The following GRIP1 variants were observed in gnomAD, a reference collection of about 807,000 sequenced individuals.
GRIP1 encodes the protein glutamate receptor interacting protein 1.
Under a neutral mutation model 129.9 loss-of-function variants are expected in GRIP1, and 45 were observed. The observed-to-expected ratio is 0.35, with a 90% CI of 0.27 to 0.44. The LOEUF is 0.44. Ranked by LOEUF, GRIP1 falls within the 20% of genes least tolerant of loss-of-function variation. The pLI, the probability that GRIP1 is intolerant of heterozygous loss-of-function variation, is 1.00. For synonymous variants in GRIP1, 530 were observed against 520.8 expected, an observed-to-expected ratio of 1.02 and a Z score of -0.24; for missense variants, 1,196 against 1,396.8, an observed-to-expected ratio of 0.86 and a Z score of 2.29.
intron 1 of GRIP1, among the ~76,000 whole-genome samples, chr12:66,884,709 A>G (rs2040536254): frequency 6.6e-6 from 1 of 152,236 alleles, no homozygotes; most frequent in Non-Finnish European, 1.5e-5. Context: ...CCCACAAACA[A>G]TTTCTTGGGC....
intron 7 of GRIP1, among the ~76,000 whole-genome samples, chr12:66,476,644 C>T (rs757437961): frequency 6.6e-6 from 1 of 152,198 alleles, no homozygotes; most frequent in African/African-American, 2.4e-5. Context: ...TACTGGCAAA[C>T]TGAAGCCAGC....
chr12:66,364,326 T>C (rs2055007272), intron 23 of GRIP1, among the ~76,000 whole-genome samples: 1 of 147,034 alleles, frequency 6.8e-6, no homozygotes, highest in African/African-American at 2.5e-5. Flanking sequence ...GATAAGTGGT[T>C]GAGGTGTGAA....
intron 1 of GRIP1, among the ~76,000 whole-genome samples, chr12:66,699,536 T>TGTAA (rs1288312288): frequency 6.6e-6 from 1 of 152,174 alleles, no homozygotes; most frequent in Non-Finnish European, 1.5e-5. Context: ...ACTGCCACCA[T>TGTAA]GTAAGACATG....
intron 2 of GRIP1, among the ~76,000 whole-genome samples, chr12:66,551,697 C>A (rs1318950033): frequency 6.6e-6 from 1 of 151,848 alleles, no homozygotes; most frequent in East Asian, 1.9e-4. Context: ...CCTCAGCCCC[C>A]TGAGTAGTGT....
intron 1 of GRIP1, among the ~76,000 whole-genome samples, chr12:66,832,981 T>C (rs1222535611): frequency 6.6e-6 from 1 of 152,194 alleles, no homozygotes; most frequent in Non-Finnish European, 1.5e-5. Context: ...TGTGTTGAGA[T>C]GTGTTCCTCC....
intron 1 of GRIP1, among the ~76,000 whole-genome samples, chr12:66,652,925 A>G (rs1197092450): frequency 2.0e-5 from 3 of 152,210 alleles, no homozygotes; most frequent in Admixed American, 1.3e-4. Context: ...AGCTTGTTTG[A>G]TCTGTAAAGT....
intron 1 of GRIP1, among the ~76,000 whole-genome samples, chr12:66,899,715 C>G (rs2040813985): frequency 1.3e-5 from 2 of 152,168 alleles, no homozygotes; most frequent in South Asian, 4.1e-4. Context: ...GGGGTAGATA[C>G]TAGACTTCAA....
In GRIP1 at chr12:67,034,395, C is replaced by T. The variant is rs143474663; in HGVS notation, c.58+34655G>A. 2.0e-3 allele frequency among the ~76,000 whole-genome samples: 310 copies of T among 152,290 alleles called. 1 individual carries two copies. The highest frequency in any genetic ancestry group is 6.7e-3 in the African/African-American group (280 of 41,540). ...GTGCAAACATCATAGAGTGCATTTACATAAACCTAGATGGTATGGCCTGCT... is the reference window on the plus strand; with the variant it reads ...GTGCAAACATCATAGAGTGCATTTATATAAACCTAGATGGTATGGCCTGCT... On this transcript the variant is annotated intron_variant, in intron 1 of 1. Transcript: ENST00000643019.
intron 1 of GRIP1, among the ~76,000 whole-genome samples, chr12:66,711,386 T>A (rs138616047): frequency 3.3e-3 from 502 of 152,056 alleles, no homozygotes; most frequent in African/African-American, 0.011. Context: ...AATACTTTTT[T>A]AAAATTTATG....
rs140859397 is a variant in GRIP1 at position 66,996,404 on chromosome 12, A to C, written c.58+72646T>G. The stretch of plus-strand genomic sequence containing the variant: ...AAAGACAAAGTACCTGACTGCACAA[A>C]GAGGTTCTAGAGGTAGCCAACACCT... On this transcript the variant is annotated intron_variant, in intron 1 of 1. Transcript: ENST00000643019. 3.2e-3 allele frequency among the ~76,000 whole-genome samples: 480 copies of C among 152,126 alleles called. 2 individuals are homozygous for C. The highest frequency in any genetic ancestry group is 4.9e-3 in the Non-Finnish European group (334 of 67,980).
At chr12:66,773,455 G>A (rs1233105085) in intron 1 of GRIP1, among the ~76,000 whole-genome samples, 5 of 152,094 alleles carry the variant, frequency 3.3e-5, no homozygotes, top group Non-Finnish European at 1.5e-5. Flanking sequence ...ACTAACACAG[G>A]AACAGAAAAC....
chr12:66,847,326 T>C (rs777422509), intron 1 of GRIP1, among the ~76,000 whole-genome samples: 1 of 152,120 alleles, frequency 6.6e-6, no homozygotes, highest in African/African-American at 2.4e-5. Context: ...CTTCCTACTT[T>C]CCCAGGCACA....
chr12:66,446,393 C>T (rs1592340378), intron 11 of GRIP1, among the ~76,000 whole-genome samples: 1 of 152,008 alleles, frequency 6.6e-6, no homozygotes, highest in Non-Finnish European at 1.5e-5. Flanking sequence ...ACTGAGTCTT[C>T]CTCCAGAAAG....
At chr12:66,676,948 C>G (rs1423214056) in intron 1 of GRIP1, among the ~76,000 whole-genome samples, 4 of 152,098 alleles carry the variant, frequency 2.6e-5, no homozygotes, top group African/African-American at 7.2e-5. Flanking sequence ...AAGCAGATGG[C>G]AAGGCAAGGT....
At chr12:66,746,681 T>A (rs2036957640) in intron 1 of GRIP1, among the ~76,000 whole-genome samples, 1 of 152,186 alleles carries the variant, frequency 6.6e-6, no homozygotes, top group Admixed American at 6.5e-5. Flanking sequence ...TACTTCCCTA[T>A]GACTGAGCTT....
intron 1 of GRIP1, among the ~76,000 whole-genome samples, chr12:67,066,154 A>G (rs2043620826): frequency 6.6e-6 from 1 of 152,224 alleles, no homozygotes; most frequent in Non-Finnish European, 1.5e-5. Context: ...CCATAGCAAT[A>G]GCTTCATCTT....
intron 1 of GRIP1, among the ~76,000 whole-genome samples, chr12:66,786,814 C>T (rs1435558334): frequency 1.3e-5 from 2 of 152,162 alleles, no homozygotes; most frequent in African/African-American, 4.8e-5. Context: ...GGGTGGAAAA[C>T]AGCACTAAGG....
chr12:66,603,115 G>A (rs2064355289), intron 1 of GRIP1, among the ~76,000 whole-genome samples: 1 of 151,180 alleles, frequency 6.6e-6, no homozygotes, highest in Non-Finnish European at 1.5e-5. Flanking sequence ...TCCCACCTCA[G>A]TCTTCCATAA....
rs566754769 is a variant in GRIP1 at position 66,827,185 on chromosome 12, C to T, written c.59-230258G>A. On this transcript the variant is annotated intron_variant, in intron 1 of 1. Coordinates refer to the GRIP1 transcript ENST00000643019. ...CAAGGCTCAGCAAGGTTCTCTTTGT[C>T]GGATCTCTCAAGGCTGCCATCGAGG... Among the ~76,000 whole-genome samples, 7 of 152,164 alleles carry T rather than the reference C, an allele frequency of 4.6e-5. 1 individual carries two copies. The South Asian group carries it at 1.0e-3, about 23-fold the overall frequency.
Sources: gnomAD v4.1 joint callset for allele counts (sites outside exome capture counted in the v4.1 genomes callset) on GRCh38, gnomAD v4.1.1 for gene constraint, MANE v1.5 for transcripts, NCBI Gene and HGNC (gene_info 2026-07-23, HGNC 2026-07-21) for gene names.